Variants in NHSL1 observed in about 807,000 individuals in gnomAD.
The protein encoded by NHSL1 is NHS-like protein 1.
NHSL1 carries 48 observed loss-of-function variants against 95.0 expected under a neutral mutation model. The observed-to-expected ratio is 0.51, with a 90% confidence interval of 0.40 to 0.64. The LOEUF (loss-of-function observed/expected upper bound fraction) is 0.64. NHSL1 is among the 30% of genes least tolerant of loss of function. The pLI is 0.00. For synonymous variants in NHSL1, 783 were observed against 833.9 expected (o/e 0.94, Z 1.05); for missense variants, 1,971 against 2,077.7 (o/e 0.95, Z 1.00).
intron 1 of NHSL1, among the ~76,000 whole-genome samples, chr6:138,683,042 G>A (rs894020483): frequency 3.9e-5 from 6 of 152,310 alleles, no homozygotes; most frequent in African/African-American, 9.6e-5. Context: ...CGAGGTGGGA[G>A]CTGAGCGGCC....
At chr6:138,671,680 A>G (rs1243327022) in intron 1 of NHSL1, among the ~76,000 whole-genome samples, 1 of 152,208 alleles carries the variant, frequency 6.6e-6, no homozygotes, top group Non-Finnish European at 1.5e-5. Context: ...AAACTCAGTG[A>G]ATTCTTAAGG....
At chr6:138,494,973 T>C (rs1323550850) in intron 2 of NHSL1, among the ~76,000 whole-genome samples, 1 of 152,206 alleles carries the variant, frequency 6.6e-6, no homozygotes, top group Non-Finnish European at 1.5e-5. Context: ...CCGGGTGCAG[T>C]GGCTCATGCC....
chr6:138,554,264 T>A (rs1430791028), intron 1 of NHSL1, among the ~76,000 whole-genome samples: 2 of 152,244 alleles, frequency 1.3e-5, no homozygotes, highest in Non-Finnish European at 2.9e-5. Context: ...TTCTTCAACG[T>A]GCTCCCTGAT....
At position 138,611,703 on chromosome 6, in the gene NHSL1, G is replaced by A. The variant is rs148125595; in HGVS notation, c.96+80773C>T. ...GGAGCTTGCAGTGAGCTGAGATCAC[G>A]CCACTGCACTCCAGCCTGGGCGAAA... is the stretch of plus-strand genomic sequence containing the variant. On this transcript the variant is annotated intron_variant, in intron 1 of 3. Transcript: ENST00000491526. Among the ~76,000 whole-genome samples, 133 of 152,078 alleles carry A rather than the reference G, an allele frequency of 8.7e-4. No homozygotes were observed. The East Asian group carries it at 0.022, about 26-fold the overall frequency.
chr6:138,512,182 C>T, intron 1 of NHSL1: 1 of 407,214 alleles, frequency 2.5e-6, no homozygotes, highest in Non-Finnish European at 4.9e-6. Flanking sequence ...TTTTAAAATA[C>T]CTGCACTTTC....
chr6:138,640,037 G>C (rs1183982959), intron 1 of NHSL1, among the ~76,000 whole-genome samples: 1 of 151,900 alleles, frequency 6.6e-6, no homozygotes, highest in African/African-American at 2.4e-5. Flanking sequence ...GCCTATCTTG[G>C]AACTTTTTGT....
At chr6:138,499,536 G>C (rs1471768283), upstream of NHSL1, 1 of 707,458 alleles carries the variant, frequency 1.4e-6, no homozygotes, top group Admixed American at 3.9e-5. Context: ...GCTGAGAGCA[G>C]CCAGTGACAT....
intron 1 of NHSL1, among the ~76,000 whole-genome samples, chr6:138,629,103 C>T (rs11154987): frequency 0.32 from 48,464 of 152,016 alleles, 8,207 homozygotes; most frequent in African/African-American, 0.43. Context: ...AAAAAAAGTG[C>T]TGAAATTCAA....
chr6:138,512,307 G>A (rs1221095454), intron 1 of NHSL1: 9 of 455,488 alleles, frequency 2.0e-5, no homozygotes, highest in Admixed American at 1.2e-4. Flanking sequence ...AAGAGGAATC[G>A]GTCACAGACT....
chr6:138,467,085 G>A (rs1209371843), intron 3 of NHSL1, among the ~76,000 whole-genome samples: 2 of 151,986 alleles, frequency 1.3e-5, no homozygotes, highest in African/African-American at 4.8e-5. Context: ...ACTTGATAAT[G>A]ATAACAAGTG....
chr6:138,485,780 C>A (rs554882404), intron 2 of NHSL1, among the ~76,000 whole-genome samples: 4 of 152,300 alleles, frequency 2.6e-5, no homozygotes, highest in South Asian at 4.1e-4. Flanking sequence ...GGGCAACTTT[C>A]CCTCAGGACA....
intron 3 of NHSL1, among the ~76,000 whole-genome samples, chr6:138,459,698 G>A (rs977239541): frequency 1.3e-5 from 2 of 152,114 alleles, no homozygotes; most frequent in African/African-American, 4.8e-5. Flanking sequence ...ATTAAAAATT[G>A]TTGGATTTGG....
At chr6:138,621,549 T>C (rs1006388988) in intron 1 of NHSL1, among the ~76,000 whole-genome samples, 1 of 152,140 alleles carries the variant, frequency 6.6e-6, no homozygotes, top group African/African-American at 2.4e-5. Flanking sequence ...CTCAGTTCAC[T>C]GCAACCTCCA....
rs1018088300 is a variant in NHSL1, at chr6:138,433,041, T to A, written c.1304A>T (p.Gln435Leu). 26 of 1,551,486 alleles carry A rather than the reference T, an allele frequency of 1.7e-5. No homozygotes were observed. The African/African-American group carries it at 3.4e-4, about 20-fold the overall frequency. Residue 435 changes from glutamine (Q) to leucine (L), a missense_variant, in exon 6 of 8, where the codon CAG (glutamine) becomes CTG (leucine). Physicochemically the swap from Gln to Leu is moderately radical, Grantham distance 113. Coordinates refer to ENST00000343505, the MANE Select transcript of NHSL1 (RefSeq NM_001144060.2). ...TGAGCCAGAACTTTTACTTTCCCGC[T>A]GTCCCGCACTCTGAGCAGTGGGAAT... is the stretch of plus-strand genomic sequence containing the variant. Reference protein sequence around the residue: ...IAIPTAQSAGQRESKSSGSSH... With the variant: ...IAIPTAQSAGLRESKSSGSSH...
chr6:138,576,382 T>TAACA (rs1305265138), upstream of NHSL1, among the ~76,000 whole-genome samples: 2 of 152,194 alleles, frequency 1.3e-5, no homozygotes, highest in Admixed American at 6.5e-5. Flanking sequence ...ACGTAGCTAT[T>TAACA]TTTCTCCAAG....
At position 138,430,766 on chromosome 6, in the gene NHSL1, G is replaced by A. The variant is rs967133997; in HGVS notation, c.3579C>T (p.Pro1193=). ...LPDSSPSRKP[P]PISKKPKLFL... ...ACAGTTTGGGCTTCTTGGAAATGGG[G>A]GGTGGCTTCCTGCTGGGTGAAGAGT... Residue 1193 remains proline (P), a synonymous_variant, in exon 6 of 8, where the codon CCC becomes CCT. Coordinates refer to ENST00000343505, the MANE Select transcript of NHSL1 (RefSeq NM_001144060.2). This position sits in a 1 kb window ranked among gnomAD's most constrained non-coding sequence, Gnocchi z 4.7. 2 of 1,551,620 alleles carry A rather than the reference G, an allele frequency of 1.3e-6. No individual in the cohort carries two copies. Among genetic ancestry groups the A allele is most frequent in the Non-Finnish European group, 8.7e-7 (1 of 1,147,024 alleles).
intron 1 of NHSL1, among the ~76,000 whole-genome samples, chr6:138,518,447 G>A (rs1781542404): frequency 2.1e-5 from 3 of 141,766 alleles, no homozygotes; most frequent in Admixed American, 7.2e-5. Context: ...AAAAATAATA[G>A]AAGTGAGGGT....
chr6:138,473,361 T>C lies in NHSL1; in HGVS notation c.284A>G (p.Asn95Ser). The C allele has an allele frequency of 6.5e-7, 1 of 1,548,960 alleles. No homozygotes were observed. The highest frequency in any genetic ancestry group is 8.7e-7 in the Non-Finnish European group (1 of 1,145,988). The change falls in exon 3 of 8, where the codon AAC (asparagine) becomes AGC (serine). Residue 95 changes from asparagine to serine, a missense_variant. Transcript: ENST00000343505. ...YYSQGPTFAA[N>S]ASPFCDDYQD... ...GTAATCATCACAGAATGGGCTGGCGTTGGCCGCAAAGGTGGGTCCCTGAGA... is the reference window on the plus strand; with the variant it reads ...GTAATCATCACAGAATGGGCTGGCGCTGGCCGCAAAGGTGGGTCCCTGAGA...
chr6:138,424,348 C>A lies in NHSL1; in HGVS notation c.4554G>T (p.Gln1518His), dbSNP rs1454697656. The change falls in exon 8 of 8, where the codon CAG (glutamine) becomes CAT (histidine). Residue 1518 changes from glutamine to histidine, a missense_variant. Transcript: ENST00000343505. The surrounding 1 kb of genome is among the most constrained non-coding windows in gnomAD (Gnocchi z 5.9). ...CCGAGATGACGGTCATGGGGCTGCT[C>A]TGGATCCGGTTCCGCATGCTGTACC... is the stretch of plus-strand genomic sequence containing the variant. ...SSRYSMRNRI[Q>H]SSPMTVISEG... 8 of 1,546,504 alleles carry A rather than the reference C, an allele frequency of 5.2e-6. No homozygotes were observed. The East Asian group carries it at 1.7e-4, about 33-fold the overall frequency.
Sources: gnomAD v4.1 joint callset for allele counts (sites outside exome capture counted in the v4.1 genomes callset) on GRCh38, gnomAD v4.1.1 for gene constraint, Gnocchi (gnomAD v3.1) non-coding constraint, MANE v1.5 for transcripts, NCBI Gene and HGNC (gene_info 2026-07-23, HGNC 2026-07-21) for gene names.